MPP2: variants seen among roughly 807,000 people sequenced by gnomAD.
The protein encoded by MPP2 is MAGUK p55 scaffold protein 2, also known as MAGUK p55 subfamily member 2.
A neutral mutation model predicts 58.5 loss-of-function variants in MPP2; 42 were observed. The observed-to-expected ratio is 0.72, with a 90% CI of 0.56 to 0.93. The LOEUF (loss-of-function observed/expected upper bound fraction) is 0.93, where lower values mean the gene tolerates loss of function less well. MPP2 is among the 40% of genes least tolerant of loss of function. MPP2 has a pLI of 0.00. For synonymous variants in MPP2, 300 were observed against 307.8 expected, an observed-to-expected ratio of 0.97 and a Z score of 0.26; for missense variants, 632 against 760.4, an observed-to-expected ratio of 0.83 and a Z score of 1.99.
At chr17:43,904,034 A>T (rs1467407320) in intron 2 of MPP2, among the ~76,000 whole-genome samples, 2 of 152,086 alleles carry the variant, frequency 1.3e-5, no homozygotes, top group Admixed American at 1.3e-4. Flanking sequence ...TCTCAGCCCC[A>T]GGCTGTGCTG....
intron 3 of MPP2, among the ~76,000 whole-genome samples, chr17:43,886,570 G>C (rs1229247031): frequency 6.6e-6 from 1 of 152,218 alleles, no homozygotes; most frequent in Non-Finnish European, 1.5e-5. Context: ...TATCTGTGGA[G>C]AAGATCTTCC....
At position 43,878,034 on chromosome 17, in the gene MPP2, C is replaced by T. The variant is rs527755591; in HGVS notation, c.1483-51G>A. 27 of 1,558,466 alleles carry T rather than the reference C, an allele frequency of 1.7e-5. No individual in the cohort carries two copies. The East Asian group carries it at 5.9e-4, about 34-fold the overall frequency. On this transcript the variant is annotated intron_variant, in intron 12 of 12. Coordinates refer to ENST00000269095, the MANE Select transcript of MPP2 (RefSeq NM_005374.5). ...TACAGTCAGTGCCCACAACTCACCC[C>T]CACTGTCAGAAGGAGCTACAGCTGC... is the stretch of plus-strand genomic sequence containing the variant.
rs758824297 is a variant in MPP2, at chr17:43,877,828, C to A, written c.1638G>T (p.Val546=). The change falls in exon 13 of 13, where the codon GTG becomes GTT. Residue 546 remains valine, a synonymous_variant. Transcript: ENST00000269095. The stretch of plus-strand genomic sequence containing the variant: ...AGGCTCAGTACACCCAGCTGACAGG[C>A]ACCCACTGGGGCTCTGTCCGTAGCT... ...MEKLRTEPQW[V]PVSWVY is the part of the protein sequence containing the mutation. 1.9e-6 allele frequency: 3 copies of A among 1,613,868 alleles called. No individual in the cohort carries two copies. The highest frequency in any genetic ancestry group is 2.2e-5 in the East Asian group (1 of 44,884).
intron 3 of MPP2, among the ~76,000 whole-genome samples, chr17:43,889,958 A>T (rs1396828726): frequency 6.6e-6 from 1 of 151,604 alleles, no homozygotes; most frequent in East Asian, 2.0e-4. Context: ...GACTACAGGC[A>T]TGCACCACCA....
chr17:43,880,709 A>G lies in MPP2; in HGVS notation c.1132T>C (p.Tyr378His). 6.2e-7 allele frequency: 1 copy of G among 1,612,032 alleles called. No homozygotes were observed. The highest frequency in any genetic ancestry group is 2.2e-5 in the East Asian group (1 of 44,838). Residue 378 changes from tyrosine to histidine, a missense_variant, in exon 10 of 13, where the codon TAT becomes CAT. Transcript: ENST00000269095. The surrounding 1 kb of genome is among the most constrained non-coding windows in gnomAD (Gnocchi z 5.2). Reference protein sequence around the residue: ...NKLIMWDPDRYGTTVPYTSRR... With the variant: ...NKLIMWDPDRHGTTVPYTSRR... The stretch of plus-strand genomic sequence containing the variant: ...CACTCACAGGGCACCGTGGTGCCAT[A>G]GCGATCTGGATCCCACATGATGAGC...
Position 43,899,844 on chromosome 17 carries a change from G to A in MPP2, c.32-1464C>T, listed in dbSNP as rs189848161. ...GACAGAGGTGGGAGTTCCAGGCTGT[G>A]GCAAGTTCCGGGGAAAGGAAGCGAG... On this transcript the variant is annotated intron_variant, in intron 2 of 12. Transcript: ENST00000269095. Among the ~76,000 whole-genome samples the A allele has an allele frequency of 7.9e-5, 12 of 152,220 alleles. No homozygotes were observed. The East Asian group carries it at 2.3e-3, about 29-fold the overall frequency.
intron 1 of MPP2, chr17:43,905,648 G>A (rs952437329): frequency 6.6e-6 from 1 of 152,374 alleles, no homozygotes; most frequent in South Asian, 2.1e-4. Flanking sequence ...GCTCACAGCA[G>A]GGGTGGGGAG....
upstream of MPP2, chr17:43,907,722 C>G (rs1292895425): frequency 1.0e-6 from 1 of 985,400 alleles, no homozygotes; most frequent in African/African-American, 1.7e-5. Context: ...GACCACGACG[C>G]CCTGCTGGAG....
intron 3 of MPP2, among the ~76,000 whole-genome samples, chr17:43,887,363 G>A (rs894234391): frequency 6.6e-6 from 1 of 152,088 alleles, no homozygotes; most frequent in African/African-American, 2.4e-5. Context: ...CAGCCTGAGT[G>A]ACAGAGCAAG....
chr17:43,877,406 G>A lies in MPP2; in HGVS notation c.*401C>T, dbSNP rs2046892922. The stretch of plus-strand genomic sequence containing the variant: ...GGAGGAGTCCAGGAATGGGGTGGGT[G>A]TGGCCAGTCCAGAGGAGAACTGGTG... On this transcript the variant is annotated 3_prime_UTR_variant, in exon 13 of 13. Coordinates refer to ENST00000269095, the MANE Select transcript of MPP2 (RefSeq NM_005374.5). 1 of 168,346 alleles carries A rather than the reference G, an allele frequency of 5.9e-6. No homozygotes were observed. Among genetic ancestry groups the A allele is most frequent in the African/African-American group, 2.4e-5 (1 of 42,524 alleles). The allele number at this position is 168,346 out of a possible 1,614,324, so 10.4% of individuals were successfully genotyped here.
chr17:43,889,394 G>C (rs528628753), intron 3 of MPP2, among the ~76,000 whole-genome samples: 91 of 127,792 alleles, frequency 7.1e-4, no homozygotes, highest in Non-Finnish European at 1.2e-3. Context: ...ACAGAGTCTC[G>C]CTCTATCGCC....
chr17:43,884,278 T>A, intron 3 of MPP2: 2 of 592,594 alleles, frequency 3.4e-6, no homozygotes, highest in South Asian at 4.6e-5. Context: ...ATCTAATTGA[T>A]GATCATATGT....
chr17:43,882,952 G>A lies in MPP2; in HGVS notation c.404C>T (p.Pro135Leu). Residue 135 changes from proline (P) to leucine (L), a missense_variant, in exon 5 of 13, where the codon CCC (proline) becomes CTC (leucine). By Grantham distance (98) the Pro-to-Leu change is moderately conservative. Coordinates refer to ENST00000269095, the MANE Select transcript of MPP2 (RefSeq NM_005374.5). ...DPTFSNQPVP[P>L]DAVRMVGIRK... ...GATGCCCACCATGCGCACAGCATCG[G>A]GAGGTACAGGCTGGTTGCTGAATGT... 6.2e-7 allele frequency: 1 copy of A among 1,614,154 alleles called. No homozygotes were observed.
In MPP2 at chr17:43,887,050, C is replaced by CAA. The variant is rs35016242; in HGVS notation, c.151-3697_151-3696dup. ...ACTCTGCTTGTGGTGTTTTTGCATG[C>CAA]AAAAAAAAAAAAAAAATTTAGGTCA... On this transcript the variant is annotated intron_variant, in intron 3 of 12. Coordinates refer to ENST00000269095, the MANE Select transcript of MPP2 (RefSeq NM_005374.5). Among the ~76,000 whole-genome samples, 1,323 of 141,944 alleles carry CAA rather than the reference C, an allele frequency of 9.3e-3. 28 individuals carry two copies. The highest frequency in any genetic ancestry group is 0.032 in the African/African-American group (1,238 of 38,240). 93.1% of individuals were successfully genotyped at this position (141,944 alleles called of 152,430 possible).
At chr17:43,884,375 GT>G (rs201181669) in intron 3 of MPP2, among the ~76,000 whole-genome samples, 28 of 151,814 alleles carry the variant, frequency 1.8e-4, no homozygotes, top group African/African-American at 6.5e-4. Flanking sequence ...TTGTTGTTTT[GT>G]TTTTTTTGTT....
Position 43,875,564 on chromosome 17 carries a change from C to CTAA in MPP2, c.*2242_*2243insTTA, listed in dbSNP as rs150651460. On this transcript the variant is annotated 3_prime_UTR_variant, in exon 13 of 13. Coordinates refer to ENST00000269095, the MANE Select transcript of MPP2 (RefSeq NM_005374.5). The stretch of plus-strand genomic sequence containing the variant: ...AGGGAGGGAGAACAGAGTCATAGAG[C>CTAA]TGTGGTGGGGGCACACACCTGTTCC... 4,699 of 152,358 alleles carry CTAA rather than the reference C, an allele frequency of 0.031. 199 individuals carry two copies. The highest frequency in any genetic ancestry group is 0.096 in the African/African-American group (3,971 of 41,496). The allele number at this position is 152,358 out of a possible 1,614,324, so 9.4% of individuals were successfully genotyped here.
intron 3 of MPP2, among the ~76,000 whole-genome samples, chr17:43,885,650 C>T (rs1049005933): frequency 1.3e-5 from 2 of 152,040 alleles, no homozygotes; most frequent in Non-Finnish European, 2.9e-5. Flanking sequence ...TTGTTCTGTC[C>T]TTCAATATTC....
At chr17:43,887,111 G>A (rs140362251) in intron 3 of MPP2, among the ~76,000 whole-genome samples, 2 of 152,114 alleles carry the variant, frequency 1.3e-5, no homozygotes, top group African/African-American at 4.8e-5. Context: ...CCAACACTTT[G>A]GGAGGTCAAG....
intron 3 of MPP2, among the ~76,000 whole-genome samples, chr17:43,894,941 T>TA (rs1164556050): frequency 5.3e-5 from 8 of 151,104 alleles, no homozygotes; most frequent in Non-Finnish European, 7.4e-5. Flanking sequence ...AGACCCTGTC[T>TA]AAAAAAAAAT....
Sources: gnomAD v4.1 joint callset for allele counts (sites outside exome capture counted in the v4.1 genomes callset) on GRCh38, gnomAD v4.1.1 for gene constraint, Gnocchi (gnomAD v3.1) non-coding constraint, MANE v1.5 for transcripts, NCBI Gene and HGNC (gene_info 2026-07-23, HGNC 2026-07-21) for gene names.